Variants in RSPH14 observed in about 807,000 individuals in gnomAD.
RSPH14 encodes radial spoke head 14 homolog, also known as rhabdoid tumor deletion region gene 1.
RSPH14 carries 20 observed loss-of-function variants against 26.7 expected under a neutral mutation model. The ratio of observed to expected loss-of-function variants is 0.75; its 90% CI spans 0.53 to 1.09. The LOEUF (loss-of-function observed/expected upper bound fraction) is 1.09. Ranked by LOEUF, RSPH14 falls within the 50% of genes least tolerant of loss-of-function variation. The pLI is 0.00. For synonymous variants in RSPH14, 177 were observed against 189.3 expected, an observed-to-expected ratio of 0.93 and a Z score of 0.53; for missense variants, 449 against 457.2, an observed-to-expected ratio of 0.98 and a Z score of 0.16.
intron 4 of RSPH14, chr22:23,131,405 G>A (rs936965993): frequency 4.0e-5 from 10 of 249,454 alleles, no homozygotes; most frequent in African/African-American, 2.2e-4. Flanking sequence ...GAGGAAGAGT[G>A]CTCTGGGTGG....
chr22:23,130,079 GAAAGGAAGAAAGAAAGAAAGAA>G (rs2070288195), intron 4 of RSPH14, among the ~76,000 whole-genome samples: 2 of 30,498 alleles, frequency 6.6e-5, no homozygotes, highest in African/African-American at 3.5e-4. Context: ...AAGAAAGAAA[GAAAGGAAGAAAGAAAGAAAGAA>G]AGAAAGAAAG....
At chr22:23,061,982 GA>G (rs764778932) in intron 5 of RSPH14, 37 bp from the exon 6 acceptor site, 71 of 1,611,856 alleles carry the variant, frequency 4.4e-5, no homozygotes, top group Non-Finnish European at 5.8e-5. Context: ...GCTCTGCTTG[GA>G]AGGGAGAAGA....
rs1239188686 is a variant in RSPH14, at chr22:23,095,423, A to G, written c.422-31290T>C. 5 of 456,656 alleles carry G rather than the reference A, an allele frequency of 1.1e-5. No individual in the cohort carries two copies. In the East Asian group the frequency reaches 1.9e-4, roughly 17 times the overall value. 28.3% of individuals were successfully genotyped at this position (456,656 alleles called of 1,614,324 possible). A position where few individuals can be genotyped will look rare whatever the true frequency, so the allele number is the denominator to read the frequency against. ...TTCCCACCGTCGCCGAGGACAGGGA[A>G]TGACTACGGCAAATCAGGCCACTTT... On this transcript the variant is annotated intron_variant, in intron 4 of 6. Coordinates refer to ENST00000216036, the MANE Select transcript of RSPH14 (RefSeq NM_014433.3).
chr22:23,076,330 C>T (rs2146256069), intron 4 of RSPH14, among the ~76,000 whole-genome samples: 1 of 152,320 alleles, frequency 6.6e-6, no homozygotes, highest in East Asian at 1.9e-4. Context: ...AGAATCGCCA[C>T]CCAGGGAGTC....
upstream of RSPH14, among the ~76,000 whole-genome samples, chr22:23,144,110 A>C (rs918754558): frequency 3.3e-5 from 5 of 151,012 alleles, no homozygotes; most frequent in African/African-American, 7.3e-5. Flanking sequence ...AAAAAAAAAA[A>C]AAAAAAAAAA....
the RSPH14 span, among the ~76,000 whole-genome samples, chr22:23,151,857 A>C: frequency 4.4e-3 from 675 of 152,326 alleles, 3 homozygotes; most frequent in African/African-American, 0.016. Flanking sequence ...CTCAAGCCAC[A>C]GCCCGGATGC....
At chr22:23,142,770 G>A (rs556325554), upstream of RSPH14, among the ~76,000 whole-genome samples, 6 of 152,276 alleles carry the variant, frequency 3.9e-5, no homozygotes, top group South Asian at 8.3e-4. Context: ...GCTGGCCAGC[G>A]TAGCTGTTCT....
In RSPH14 at chr22:23,071,638, C is replaced by T. The variant is rs1340618363; in HGVS notation, c.422-7505G>A. On this transcript the variant is annotated intron_variant, in intron 4 of 6. Coordinates refer to ENST00000216036, the MANE Select transcript of RSPH14 (RefSeq NM_014433.3). The surrounding 1 kb of genome is among the most constrained non-coding windows in gnomAD (Gnocchi z 4.1). ...GGTGGGAGTGGACTGGGCCTGCCCT[C>T]CCAGGACTGATTGACCACCGCATAG... Among the ~76,000 whole-genome samples the T allele has an allele frequency of 2.6e-5, 4 of 152,094 alleles. No individual in the cohort carries two copies. The highest frequency in any genetic ancestry group is 9.7e-5 in the African/African-American group (4 of 41,414).
chr22:23,094,062 G>A (rs543697032), intron 4 of RSPH14, among the ~76,000 whole-genome samples: 1 of 152,346 alleles, frequency 6.6e-6, no homozygotes. Context: ...CCCAGGAGTT[G>A]AGGGTGGGGC....
the RSPH14 span, among the ~76,000 whole-genome samples, chr22:23,151,998 G>T: frequency 6.6e-6 from 1 of 152,220 alleles, no homozygotes; most frequent in African/African-American, 2.4e-5. Context: ...CCACATCGGC[G>T]CACAGCCCCG....
chr22:23,171,213 A>G, the RSPH14 span, among the ~76,000 whole-genome samples: 2 of 151,990 alleles, frequency 1.3e-5, no homozygotes, highest in Non-Finnish European at 2.9e-5. Context: ...TGATCCACCC[A>G]CTGTGGCCTC....
chr22:23,130,101 AAGAAAGAAAGAAAG>A (rs2070298867), intron 4 of RSPH14, among the ~76,000 whole-genome samples: 1 of 77,172 alleles, frequency 1.3e-5, no homozygotes, highest in African/African-American at 4.5e-5. Flanking sequence ...GAAAGAAAGA[AAGAAAGAAAGAAAG>A]AAAGAAAGAA....
intron 4 of RSPH14, chr22:23,123,452 C>G: frequency 6.5e-7 from 1 of 1,538,456 alleles, no homozygotes; most frequent in Non-Finnish European, 8.9e-7. Flanking sequence ...CCGGGGCCCG[C>G]CTGCCTATGG....
the RSPH14 span, among the ~76,000 whole-genome samples, chr22:23,157,141 C>T: frequency 6.6e-6 from 1 of 152,216 alleles, no homozygotes; most frequent in Non-Finnish European, 1.5e-5. Context: ...CTGCATCTCC[C>T]GGTTTTCTGC....
chr22:23,063,157 G>A (rs1264559553), intron 5 of RSPH14, among the ~76,000 whole-genome samples: 1 of 152,180 alleles, frequency 6.6e-6, no homozygotes, highest in Non-Finnish European at 1.5e-5. Context: ...GAATGATGGG[G>A]CTGGGACAGG....
intron 4 of RSPH14, among the ~76,000 whole-genome samples, chr22:23,078,805 AG>A (rs973758417): frequency 4.6e-5 from 7 of 152,212 alleles, no homozygotes; most frequent in African/African-American, 7.2e-5. Flanking sequence ...GGGTAGCAAC[AG>A]AAGCCCAGCC....
the RSPH14 span, chr22:23,161,786 G>T: frequency 1.8e-6 from 1 of 552,706 alleles, no homozygotes; most frequent in African/African-American, 1.9e-5. Context: ...CTGCCTGGGA[G>T]CCCCACACCA....
At chr22:23,072,824 C>T (rs1355527509) in intron 4 of RSPH14, among the ~76,000 whole-genome samples, 1 of 152,222 alleles carries the variant, frequency 6.6e-6, no homozygotes, top group Non-Finnish European at 1.5e-5. Flanking sequence ...CAGGAGGAAC[C>T]TCAGAGACCT....
At chr22:23,131,860 C>A (rs1362063921) in intron 4 of RSPH14, among the ~76,000 whole-genome samples, 1 of 152,146 alleles carries the variant, frequency 6.6e-6, no homozygotes, top group African/African-American at 2.4e-5. Flanking sequence ...GGGAGAGGAC[C>A]AGGGGCACGG....
Sources: gnomAD v4.1 joint callset for allele counts (sites outside exome capture counted in the v4.1 genomes callset) on GRCh38, gnomAD v4.1.1 for gene constraint, Gnocchi (gnomAD v3.1) non-coding constraint, MANE v1.5 for transcripts, NCBI Gene and HGNC (gene_info 2026-07-23, HGNC 2026-07-21) for gene names.